DENND1B: variants seen among roughly 807,000 people sequenced by gnomAD.
DENND1B encodes DENN domain containing 1B, also known as DENN domain-containing protein 1B.
Under a neutral mutation model 90.1 loss-of-function variants are expected in DENND1B, and 59 were observed. That is an observed-to-expected ratio of 0.65 (90% CI 0.53 to 0.81). DENND1B has a LOEUF of 0.81. Ranked by LOEUF, DENND1B falls within the 40% of genes least tolerant of loss-of-function variation. The pLI, the probability that DENND1B is intolerant of heterozygous loss-of-function variation, is 0.00. For missense variants in DENND1B, 862 were observed against 912.6 expected (o/e 0.94, Z 0.71); for synonymous variants, 337 against 324.6 (o/e 1.04, Z -0.41).
At chr1:197,577,438 T>C (rs912227900) in intron 15 of DENND1B, among the ~76,000 whole-genome samples, 1 of 152,148 alleles carries the variant, frequency 6.6e-6, no homozygotes, top group Non-Finnish European at 1.5e-5. Flanking sequence ...CTCTGTTGGA[T>C]AGAAAAGTTT....
chr1:197,549,166 T>G (rs1671035031), intron 16 of DENND1B, among the ~76,000 whole-genome samples: 1 of 152,132 alleles, frequency 6.6e-6, no homozygotes, highest in Non-Finnish European at 1.5e-5. Flanking sequence ...ATAAAACTAG[T>G]GATTTTCTCA....
chr1:197,646,370 C>A (rs1265426052), intron 8 of DENND1B, among the ~76,000 whole-genome samples: 1 of 151,786 alleles, frequency 6.6e-6, no homozygotes, highest in African/African-American at 2.4e-5. Flanking sequence ...TATTAATTAG[C>A]TTCTATAATG....
At chr1:197,755,502 A>T (rs1023004213) in intron 2 of DENND1B, among the ~76,000 whole-genome samples, 3 of 152,188 alleles carry the variant, frequency 2.0e-5, no homozygotes, top group African/African-American at 7.2e-5. Flanking sequence ...AAATGGGAAG[A>T]AAACTAGTAA....
At chr1:197,716,515 T>C (rs773764757) in intron 2 of DENND1B, among the ~76,000 whole-genome samples, 10 of 151,778 alleles carry the variant, frequency 6.6e-5, no homozygotes, top group Admixed American at 2.6e-4. Context: ...TTGTGGATAA[T>C]TATATTCCCA....
intron 14 of DENND1B, among the ~76,000 whole-genome samples, chr1:197,589,728 C>T (rs1414140181): frequency 6.6e-6 from 1 of 152,162 alleles, no homozygotes; most frequent in Non-Finnish European, 1.5e-5. Flanking sequence ...ACTCCTCCAC[C>T]TTGTCAAACG....
chr1:197,601,995 G>C (rs1222599383), intron 13 of DENND1B, among the ~76,000 whole-genome samples: 1 of 151,546 alleles, frequency 6.6e-6, no homozygotes, highest in Non-Finnish European at 1.5e-5. Flanking sequence ...AAGAATAGCT[G>C]AGTTTCCACA....
At chr1:197,692,001 G>C (rs929947313) in intron 3 of DENND1B, among the ~76,000 whole-genome samples, 1 of 151,748 alleles carries the variant, frequency 6.6e-6, no homozygotes, top group African/African-American at 2.4e-5. Flanking sequence ...CAGGTACAAA[G>C]TTCAGTTATA....
chr1:197,739,245 G>A (rs989480603), intron 2 of DENND1B, among the ~76,000 whole-genome samples: 1 of 152,202 alleles, frequency 6.6e-6, no homozygotes, highest in Non-Finnish European at 1.5e-5. Context: ...AATCAGCACT[G>A]GACTGAAGAT....
At chr1:197,563,713 T>C (rs1672370299) in intron 15 of DENND1B, among the ~76,000 whole-genome samples, 2 of 152,006 alleles carry the variant, frequency 1.3e-5, no homozygotes, top group Admixed American at 1.3e-4. Context: ...TACATTTCAT[T>C]AGGGCTACAG....
chr1:197,666,571 A>G (rs1654953311), intron 5 of DENND1B, among the ~76,000 whole-genome samples: 1 of 152,230 alleles, frequency 6.6e-6, no homozygotes, highest in Non-Finnish European at 1.5e-5. Flanking sequence ...AAACTTCTCA[A>G]TAAATTTTGG....
intron 2 of DENND1B, among the ~76,000 whole-genome samples, chr1:197,744,532 G>A (rs555725926): frequency 6.6e-6 from 1 of 152,088 alleles, no homozygotes; most frequent in Non-Finnish European, 1.5e-5. Context: ...TCTTAACAGT[G>A]GCCCTAGAAT....
chr1:197,573,162 T>C (rs1673338396), intron 15 of DENND1B, among the ~76,000 whole-genome samples: 3 of 152,214 alleles, frequency 2.0e-5, no homozygotes, highest in Admixed American at 6.5e-5. Context: ...TGATTTTAGT[T>C]GTTTCTTGCC....
intron 11 of DENND1B, among the ~76,000 whole-genome samples, chr1:197,613,758 C>CA (rs1288854425): frequency 6.6e-6 from 1 of 150,886 alleles, no homozygotes; most frequent in Non-Finnish European, 1.5e-5. Context: ...TGCCTATGTT[C>CA]AAAATAGCAT....
At chr1:197,680,931 T>C (rs994718859) in intron 3 of DENND1B, among the ~76,000 whole-genome samples, 1 of 152,100 alleles carries the variant, frequency 6.6e-6, no homozygotes, top group African/African-American at 2.4e-5. Flanking sequence ...TAAAAATCCA[T>C]ATAAAATGAT....
At chr1:197,684,915 G>T (rs1657072399) in intron 3 of DENND1B, among the ~76,000 whole-genome samples, 1 of 151,968 alleles carries the variant, frequency 6.6e-6, no homozygotes, top group Admixed American at 6.6e-5. Flanking sequence ...TCAAGAGTTC[G>T]AGACCAGCCT....
intron 20 of DENND1B, among the ~76,000 whole-genome samples, chr1:197,516,006 C>T (rs1053612909): frequency 5.9e-5 from 9 of 151,848 alleles, no homozygotes; most frequent in Non-Finnish European, 1.0e-4. Flanking sequence ...CTGCTTTTTC[C>T]ACAATCAAAC....
At chr1:197,531,335 G>C (rs547921140) in intron 20 of DENND1B, among the ~76,000 whole-genome samples, 2 of 152,048 alleles carry the variant, frequency 1.3e-5, no homozygotes, top group African/African-American at 4.8e-5. Context: ...AAATCACAAA[G>C]GTCCCTGCAG....
intron 15 of DENND1B, among the ~76,000 whole-genome samples, chr1:197,564,723 A>T (rs2125712669): frequency 6.6e-6 from 1 of 152,090 alleles, no homozygotes; most frequent in Non-Finnish European, 1.5e-5. Flanking sequence ...CATTTCATTA[A>T]TAATGTATAT....
chr1:197,511,123 T>G (rs540258327), intron 22 of DENND1B, 151 bp from the exon 23 acceptor site: 3 of 871,472 alleles, frequency 3.4e-6, no homozygotes, highest in African/African-American at 1.7e-5. Flanking sequence ...TCCAAATGGC[T>G]CTATTAACAG....
Sources: gnomAD v4.1 joint callset for allele counts (sites outside exome capture counted in the v4.1 genomes callset) on GRCh38, gnomAD v4.1.1 for gene constraint, MANE v1.5 for transcripts, NCBI Gene and HGNC (gene_info 2026-07-23, HGNC 2026-07-21) for gene names.